The following SLC9A9 variants were observed in gnomAD, a reference collection of about 807,000 sequenced individuals.
The protein encoded by SLC9A9 is sodium/hydrogen exchanger 9.
In SLC9A9, 62 loss-of-function variants were observed where a neutral mutation model predicts 77.8. The observed-to-expected ratio is 0.80, with a 90% CI of 0.65 to 0.98. The LOEUF is 0.98. Among genes scored for constraint, SLC9A9 ranks in the 50% least tolerant of loss-of-function variants. SLC9A9 has a pLI of 0.00. For missense variants in SLC9A9, 775 were observed against 774.9 expected, an observed-to-expected ratio of 1.00 and a Z score of 0.00; for synonymous variants, 320 against 283.5, an observed-to-expected ratio of 1.13 and a Z score of -1.29.
chr3:143,486,597 C>T (rs2035655992), intron 11 of SLC9A9, among the ~76,000 whole-genome samples: 1 of 151,974 alleles, frequency 6.6e-6, no homozygotes, highest in African/African-American at 2.4e-5. Flanking sequence ...TTTTTGGGAA[C>T]ACAATGTATA....
chr3:143,841,038 G>A lies in SLC9A9; in HGVS notation c.175+7110C>T, dbSNP rs1256194573. ...GGAGCGAACAGTTAATTAAAAAACA[G>A]CAATTATTCTAGGACTACATAAGCG... On this transcript the variant is annotated intron_variant, in intron 1 of 15. Coordinates refer to ENST00000316549, the MANE Select transcript of SLC9A9 (RefSeq NM_173653.4). Among the ~76,000 whole-genome samples the A allele has an allele frequency of 3.9e-5, 6 of 152,126 alleles. No individual in the cohort carries two copies. The East Asian group carries it at 9.6e-4, about 24-fold the overall frequency.
chr3:143,591,474 A>G (rs2108678481), intron 6 of SLC9A9, among the ~76,000 whole-genome samples: 1 of 152,354 alleles, frequency 6.6e-6, no homozygotes, highest in East Asian at 1.9e-4. Context: ...GTTGCCATGA[A>G]GTGTATATTC....
chr3:143,524,180 G>GA (rs5853110), intron 9 of SLC9A9, among the ~76,000 whole-genome samples: 125,454 of 145,856 alleles, frequency 0.86, 53,967 homozygotes, highest in East Asian at 0.98. Flanking sequence ...ACTGAAGATA[G>GA]AAAAAAAAAA....
chr3:143,429,785 T>A (rs1252032270), intron 12 of SLC9A9, among the ~76,000 whole-genome samples: 4 of 152,192 alleles, frequency 2.6e-5, no homozygotes, highest in African/African-American at 9.6e-5. Flanking sequence ...ATGAGGCTTC[T>A]GCATCAATGC....
chr3:143,433,214 C>CTAA (rs1188142051), intron 12 of SLC9A9, among the ~76,000 whole-genome samples: 1 of 152,136 alleles, frequency 6.6e-6, no homozygotes, highest in African/African-American at 2.4e-5. Context: ...ACAAAGTTTT[C>CTAA]TTTAGTTTCC....
intron 4 of SLC9A9, among the ~76,000 whole-genome samples, chr3:143,766,081 C>A (rs1251639636): frequency 6.6e-6 from 1 of 152,160 alleles, no homozygotes; most frequent in African/African-American, 2.4e-5. Context: ...AAGCCCTGAC[C>A]TGCGGACTCT....
intron 4 of SLC9A9, among the ~76,000 whole-genome samples, chr3:143,701,570 A>C (rs1290287610): frequency 6.6e-6 from 1 of 152,146 alleles, no homozygotes; most frequent in African/African-American, 2.4e-5. Flanking sequence ...CAGAAGAAAG[A>C]ATTAGTGAGC....
intron 5 of SLC9A9, among the ~76,000 whole-genome samples, chr3:143,680,692 A>G (rs1933060220): frequency 6.6e-6 from 1 of 152,184 alleles, no homozygotes; most frequent in African/African-American, 2.4e-5. Flanking sequence ...ATAGTTTTTT[A>G]GAATAGAGTA....
At chr3:143,706,398 A>G (rs1933978372) in intron 4 of SLC9A9, among the ~76,000 whole-genome samples, 1 of 152,198 alleles carries the variant, frequency 6.6e-6, no homozygotes, top group African/African-American at 2.4e-5. Flanking sequence ...TGTTGTAGAT[A>G]AAGCAGGTGC....
chr3:143,428,565 T>A (rs1300026771), intron 12 of SLC9A9, among the ~76,000 whole-genome samples: 2 of 152,194 alleles, frequency 1.3e-5, no homozygotes, highest in Non-Finnish European at 2.9e-5. Flanking sequence ...TACTATATGA[T>A]CCAGCAACCC....
At chr3:143,775,314 C>T (rs1025288187) in intron 4 of SLC9A9, among the ~76,000 whole-genome samples, 4 of 152,148 alleles carry the variant, frequency 2.6e-5, no homozygotes, top group African/African-American at 9.7e-5. Flanking sequence ...TTACCTGGGA[C>T]ACTGGAGAAC....
At chr3:143,601,567 AT>A (rs1266770599) in intron 6 of SLC9A9, among the ~76,000 whole-genome samples, 1 of 152,172 alleles carries the variant, frequency 6.6e-6, no homozygotes, top group Non-Finnish European at 1.5e-5. Flanking sequence ...ACCTCCACAG[AT>A]TGTTTTTAAC....
intron 9 of SLC9A9, among the ~76,000 whole-genome samples, chr3:143,548,153 A>T (rs1463509512): frequency 6.6e-6 from 1 of 152,230 alleles, no homozygotes; most frequent in Admixed American, 6.5e-5. Flanking sequence ...GGTGCCAACC[A>T]TGTGAAGGGA....
chr3:143,357,300 C>A (rs2032619553), intron 14 of SLC9A9, among the ~76,000 whole-genome samples: 1 of 152,094 alleles, frequency 6.6e-6, no homozygotes, highest in South Asian at 2.1e-4. Context: ...CTAGGGACCA[C>A]CTGTGATTTC....
intron 6 of SLC9A9, among the ~76,000 whole-genome samples, chr3:143,608,025 C>T (rs373420535): frequency 3.3e-5 from 5 of 151,768 alleles, no homozygotes; most frequent in South Asian, 2.1e-4. Context: ...ATAGAAAATG[C>T]GCAAATAAAG....
chr3:143,448,122 T>C (rs761952774), intron 12 of SLC9A9, among the ~76,000 whole-genome samples: 32 of 152,240 alleles, frequency 2.1e-4, no homozygotes, highest in Non-Finnish European at 4.1e-4. Flanking sequence ...ATGTGCTTCA[T>C]TGGCCAGACA....
At chr3:143,428,642 T>C (rs2108533954) in intron 12 of SLC9A9, among the ~76,000 whole-genome samples, 1 of 152,318 alleles carries the variant, frequency 6.6e-6, no homozygotes, top group Middle Eastern at 3.4e-3. Context: ...ACCCATGTTT[T>C]CAGTGTACTT....
intron 1 of SLC9A9, among the ~76,000 whole-genome samples, chr3:143,838,274 A>G (rs1163468247): frequency 6.6e-6 from 1 of 152,220 alleles, no homozygotes; most frequent in Non-Finnish European, 1.5e-5. Context: ...AGAAGAGGAC[A>G]TGTTGTTTTA....
chr3:143,805,793 A>G (rs2008695465), intron 2 of SLC9A9, among the ~76,000 whole-genome samples: 1 of 152,014 alleles, frequency 6.6e-6, no homozygotes, highest in Non-Finnish European at 1.5e-5. Flanking sequence ...CCCAAATCCT[A>G]TAAAACGGCC....
Sources: allele counts gnomAD v4.1 joint callset (sites outside exome capture counted in the v4.1 genomes callset), GRCh38; gene constraint gnomAD v4.1.1; transcripts MANE v1.5; gene names NCBI Gene and HGNC (gene_info 2026-07-23, HGNC 2026-07-21).